WWOX: variants seen among roughly 807,000 people sequenced by gnomAD.
WWOX encodes WW domain-containing oxidoreductase.
A neutral mutation model predicts 46.2 loss-of-function variants in WWOX; 69 were observed. That is an observed-to-expected ratio of 1.49 (90% CI 1.23 to 1.82). The LOEUF is 1.82. Ranked by LOEUF, WWOX falls within the 40% of genes most tolerant of loss-of-function variation. The pLI is 0.00. For missense variants in WWOX, 919 were observed against 542.6 expected (o/e 1.69, Z -6.89); for synonymous variants, 359 against 202.6 (o/e 1.77, Z -6.56).
chr16:78,161,856 A>G (rs2034805654), intron 4 of WWOX, among the ~76,000 whole-genome samples: 1 of 152,170 alleles, frequency 6.6e-6, no homozygotes, highest in Non-Finnish European at 1.5e-5. Flanking sequence ...TCAGTATTAT[A>G]TCACTTCCTG....
rs367699496 is a variant in WWOX, at chr16:78,404,400, A to G, written c.605+17452A>G. ...ATCCTTCAGGGGTTTGGGGCCCATTATTATGACTTAATCCATTTTGGGCGT... is the reference window on the plus strand; with the variant it reads ...ATCCTTCAGGGGTTTGGGGCCCATTGTTATGACTTAATCCATTTTGGGCGT... On this transcript the variant is annotated intron_variant, in intron 6 of 8. Transcript: ENST00000566780. 1.4e-4 allele frequency among the ~76,000 whole-genome samples: 21 copies of G among 152,248 alleles called. No individual in the cohort carries two copies. The South Asian group carries it at 3.7e-3, about 27-fold the overall frequency.
intron 8 of WWOX, among the ~76,000 whole-genome samples, chr16:79,015,862 C>G (rs1178942580): frequency 6.6e-6 from 1 of 152,180 alleles, no homozygotes; most frequent in Non-Finnish European, 1.5e-5. Context: ...TGTGATTGTC[C>G]TGCCTCAGAC....
At chr16:78,314,523 G>C (rs62034363) in intron 5 of WWOX, among the ~76,000 whole-genome samples, 3 of 142,514 alleles carry the variant, frequency 2.1e-5, no homozygotes, top group African/African-American at 2.6e-5. Flanking sequence ...GCCAATTTGT[G>C]GGGTTTTTTT....
chr16:78,661,677 A>AT (rs2047216962), intron 8 of WWOX, among the ~76,000 whole-genome samples: 1 of 151,274 alleles, frequency 6.6e-6, no homozygotes, highest in Non-Finnish European at 1.5e-5. Flanking sequence ...TGTGCATGGA[A>AT]TGGGGGGAAA....
intron 8 of WWOX, among the ~76,000 whole-genome samples, chr16:79,160,114 A>C (rs1318871272): frequency 6.6e-6 from 1 of 152,068 alleles, no homozygotes; most frequent in African/African-American, 2.4e-5. Flanking sequence ...GTCTAAATTC[A>C]CTCGGCAAGA....
intron 8 of WWOX, among the ~76,000 whole-genome samples, chr16:78,951,495 G>A (rs968254136): frequency 3.4e-5 from 5 of 145,406 alleles, no homozygotes; most frequent in African/African-American, 1.3e-4. Flanking sequence ...TATAGACTGT[G>A]AGGTATGAAG....
At position 78,299,583 on chromosome 16, in the gene WWOX, A is replaced by G. The variant is rs73574541; in HGVS notation, c.517-87277A>G. 3.2e-3 allele frequency among the ~76,000 whole-genome samples: 479 copies of G among 148,626 alleles called. 1 individual carries two copies. Among genetic ancestry groups the G allele is most frequent in the African/African-American group, 0.011 (458 of 40,002 alleles). On this transcript the variant is annotated intron_variant, in intron 5 of 8. Transcript: ENST00000566780. ...ACCCAGCCTGGAGTGCAGTGGCGAG[A>G]TTGGCAAGATCGTAGCTCACTGCAG...
At chr16:78,833,017 C>T (rs1288020616) in intron 8 of WWOX, among the ~76,000 whole-genome samples, 1 of 149,298 alleles carries the variant, frequency 6.7e-6, no homozygotes, top group Admixed American at 6.8e-5. Flanking sequence ...TGGCCAGGCT[C>T]AGCCTTTTCT....
At chr16:78,372,780 T>C (rs1346141122) in intron 5 of WWOX, among the ~76,000 whole-genome samples, 2 of 152,228 alleles carry the variant, frequency 1.3e-5, no homozygotes, top group Non-Finnish European at 2.9e-5. Flanking sequence ...CATTAATTCA[T>C]GAGTAGTGGC....
chr16:78,457,144 G>A (rs1453693400), intron 8 of WWOX, among the ~76,000 whole-genome samples: 1 of 152,200 alleles, frequency 6.6e-6, no homozygotes, highest in Admixed American at 6.5e-5. Flanking sequence ...GATCGTGTCT[G>A]TGTCTGCACC....
intron 8 of WWOX, among the ~76,000 whole-genome samples, chr16:79,091,934 C>T (rs1041429475): frequency 6.6e-6 from 1 of 151,848 alleles, no homozygotes; most frequent in Non-Finnish European, 1.5e-5. Flanking sequence ...GTGCATGCCA[C>T]CACGCCCAGC....
chr16:78,377,583 A>T (rs1243966344), intron 5 of WWOX, among the ~76,000 whole-genome samples: 1 of 152,224 alleles, frequency 6.6e-6, no homozygotes, highest in Non-Finnish European at 1.5e-5. Flanking sequence ...ATGCACAATC[A>T]TGTTGACTGC....
chr16:78,762,360 G>C (rs1043383329), intron 8 of WWOX, among the ~76,000 whole-genome samples: 9 of 152,170 alleles, frequency 5.9e-5, no homozygotes, highest in African/African-American at 2.2e-4. Context: ...CCCCAGGCCT[G>C]CTGAGTCTGA....
chr16:78,143,569 A>G (rs2034061979), intron 4 of WWOX, among the ~76,000 whole-genome samples: 1 of 152,184 alleles, frequency 6.6e-6, no homozygotes, highest in Non-Finnish European at 1.5e-5. Flanking sequence ...CCCTATGGCC[A>G]GCAAAGCCCA....
At chr16:78,862,211 T>G (rs529445868) in intron 8 of WWOX, among the ~76,000 whole-genome samples, 10 of 138,472 alleles carry the variant, frequency 7.2e-5, no homozygotes, top group African/African-American at 1.5e-4. Flanking sequence ...TTTACACACC[T>G]ATGGGTGTGT....
chr16:79,036,129 C>A (rs188503175), intron 8 of WWOX, among the ~76,000 whole-genome samples: 19 of 152,360 alleles, frequency 1.2e-4, no homozygotes, highest in Non-Finnish European at 4.4e-5. Context: ...CTTTCACTCT[C>A]TATGAAATAC....
Position 78,824,823 on chromosome 16 carries a change from G to A in WWOX, c.1057-386785G>A, listed in dbSNP as rs143420648. Among the ~76,000 whole-genome samples, 288 of 152,218 alleles carry A rather than the reference G, an allele frequency of 1.9e-3. 1 individual carries two copies. Among genetic ancestry groups the A allele is most frequent in the African/African-American group, 6.6e-3 (274 of 41,540 alleles). On this transcript the variant is annotated intron_variant, in intron 8 of 8. Transcript: ENST00000566780. The stretch of plus-strand genomic sequence containing the variant: ...GAGATACAATTCAAGTTGAGATTTG[G>A]GTGGAGACACACCCAAAGCATATCA...
chr16:79,203,232 G>C (rs562450208), intron 8 of WWOX: 1 of 152,148 alleles, frequency 6.6e-6, no homozygotes, highest in Non-Finnish European at 1.5e-5. Flanking sequence ...TAATATAAAT[G>C]AGACACTCTC....
At chr16:78,402,719 G>T (rs2082442455) in intron 6 of WWOX, among the ~76,000 whole-genome samples, 1 of 152,200 alleles carries the variant, frequency 6.6e-6, no homozygotes, top group Admixed American at 6.5e-5. Flanking sequence ...TTCGGTTTAA[G>T]AAGTGACAGG....
Sources: allele counts gnomAD v4.1 joint callset (sites outside exome capture counted in the v4.1 genomes callset), GRCh38; gene constraint gnomAD v4.1.1; transcripts MANE v1.5; gene names NCBI Gene and HGNC (gene_info 2026-07-23, HGNC 2026-07-21).